The following FIGNL2 variants were observed in gnomAD, a reference collection of about 807,000 sequenced individuals.
The protein encoded by FIGNL2 is fidgetin like 2, also known as fidgetin-like protein 2.
For synonymous variants in FIGNL2, 565 were observed against 484.0 expected (o/e 1.17, Z -2.20); for missense variants, 1,060 against 950.2 (o/e 1.12, Z -1.52).
At chr12:51,844,119 G>A (rs1213369905) in intron 1 of FIGNL2, among the ~76,000 whole-genome samples, 1 of 152,106 alleles carries the variant, frequency 6.6e-6, no homozygotes, top group African/African-American at 2.4e-5. Flanking sequence ...CATCATATGA[G>A]GTTCTTATCC....
chr12:51,833,917 A>G (rs1939520242), intron 1 of FIGNL2, among the ~76,000 whole-genome samples: 1 of 152,230 alleles, frequency 6.6e-6, no homozygotes, highest in African/African-American at 2.4e-5. Context: ...GCACAGATTA[A>G]GTTCTCAATA....
In FIGNL2 at chr12:51,820,761, G is replaced by C. The variant is rs757545904; in HGVS notation, c.1653C>G (p.Leu551=). ...LDEATRRRFS[L]RFYVALPDSP... ...TGTCGGGCAGCGCCACGTAGAAGCG[G>C]AGAGAGAAGCGCCGGCGGGTCGCCT... Residue 551 remains leucine, a synonymous_variant, in exon 2 of 2, where the codon CTC becomes CTG. Coordinates refer to ENST00000618634, the MANE Select transcript of FIGNL2 (RefSeq NM_001384995.1). 2.7e-6 allele frequency: 4 copies of C among 1,486,532 alleles called. No homozygotes were observed. In the South Asian group the frequency reaches 3.8e-5, roughly 14 times the overall value. 92.1% of individuals were successfully genotyped at this position (1,486,532 alleles called of 1,614,324 possible).
intron 1 of FIGNL2, chr12:51,845,529 T>G: frequency 2.0e-6 from 2 of 985,328 alleles, no homozygotes; most frequent in Non-Finnish European, 1.2e-6. Flanking sequence ...CACTGGGGCC[T>G]GGAGTCCACA....
Position 51,820,761 on chromosome 12 carries a change from G to A in FIGNL2, c.1653C>T (p.Leu551=). ...TGTCGGGCAGCGCCACGTAGAAGCG[G>A]AGAGAGAAGCGCCGGCGGGTCGCCT... ...LDEATRRRFS[L]RFYVALPDSP... Residue 551 remains leucine (L), a synonymous_variant, in exon 2 of 2, where the codon CTC becomes CTT. Transcript: ENST00000618634. 1 of 1,486,532 alleles carries A rather than the reference G, an allele frequency of 6.7e-7. No homozygotes were observed. Among genetic ancestry groups the A allele is most frequent in the Admixed American group, 2.3e-5 (1 of 43,464 alleles). 92.1% of individuals were successfully genotyped at this position (1,486,532 alleles called of 1,614,324 possible).
chr12:51,831,498 G>C (rs1156963504), intron 1 of FIGNL2, among the ~76,000 whole-genome samples: 3 of 152,244 alleles, frequency 2.0e-5, no homozygotes, highest in Non-Finnish European at 4.4e-5. Flanking sequence ...TGGAGGCCAA[G>C]TGGGGACCTG....
In FIGNL2 at chr12:51,821,925, G is replaced by A. The variant is rs1291546397; in HGVS notation, c.489C>T (p.Gly163=). The A allele has an allele frequency of 1.3e-6, 2 of 1,504,396 alleles. No individual in the cohort carries two copies. Among genetic ancestry groups the A allele is most frequent in the Non-Finnish European group, 1.8e-6 (2 of 1,128,354 alleles). 93.2% of individuals were successfully genotyped at this position (1,504,396 alleles called of 1,614,324 possible). ...SAAPEYAAGY[G]GGYLAPGYCA... ...AGTAACCCGGCGCCAGGTACCCCCC[G>A]CCGTAGCCGGCCGCGTACTCGGGCG... Residue 163 remains glycine, a synonymous_variant, in exon 2 of 2, where the codon GGC becomes GGT. Transcript: ENST00000618634.
intron 1 of FIGNL2, chr12:51,842,097 CA>C (rs11305939): frequency 0.043 from 6,481 of 152,292 alleles, 194 homozygotes; most frequent in Non-Finnish European, 0.061. Flanking sequence ...ATGATCACTA[CA>C]AACTCAACAA....
At position 51,820,399 on chromosome 12, in the gene FIGNL2, G is replaced by T. The variant is rs971677548; in HGVS notation, c.*53C>A. On this transcript the variant is annotated 3_prime_UTR_variant, in exon 2 of 2. Coordinates refer to ENST00000618634, the MANE Select transcript of FIGNL2 (RefSeq NM_001384995.1). ...TTAGTCAGTGACATCCCTCCCACGC[G>T]GAGGCGGCGGGGACGGAGGGACTGC... is the stretch of plus-strand genomic sequence containing the variant. 1.3e-6 allele frequency: 2 copies of T among 1,543,372 alleles called. No homozygotes were observed. Among genetic ancestry groups the T allele is most frequent in the Admixed American group, 3.9e-5 (2 of 51,852 alleles).
chr12:51,845,777 G>A (rs80033928), intron 1 of FIGNL2: 2 of 516,736 alleles, frequency 3.9e-6, no homozygotes, highest in African/African-American at 2.1e-5. Context: ...TCGGAGCTTG[G>A]GGGGAGAGTC....
In FIGNL2 at chr12:51,821,788, C is replaced by G; in HGVS notation, c.626G>C (p.Gly209Ala). The G allele has an allele frequency of 7.8e-7, 1 of 1,276,774 alleles. No homozygotes were observed. The highest frequency in any genetic ancestry group is 9.8e-7 in the Non-Finnish European group (1 of 1,017,654). 79.1% of individuals were successfully genotyped at this position (1,276,774 alleles called of 1,614,324 possible). ...SAPLYNYPAG[G>A]YAAQPGYGAL... Reference sequence around the variant, plus strand: ...GCCATAGCCGGGCTGCGCTGCGTAGCCCCCTGCGGGATAGTTGTACAGCGG... The same window carrying G: ...GCCATAGCCGGGCTGCGCTGCGTAGGCCCCTGCGGGATAGTTGTACAGCGG... Residue 209 changes from glycine (G) to alanine (A), a missense_variant, in exon 2 of 2, where the codon GGC (glycine) becomes GCC (alanine). Physicochemically the swap from Gly to Ala is moderately conservative, Grantham distance 60. Transcript: ENST00000618634.
rs761297136 is a variant in FIGNL2 at position 51,822,099 on chromosome 12, G to T, written c.315C>A (p.Pro105=). ...CTTCGTGGAGTGAGGCCAAGGGGTAGGGTGGCTCCGGCCCTGGCCAGGGCT... is the reference window on the plus strand; with the variant it reads ...CTTCGTGGAGTGAGGCCAAGGGGTATGGTGGCTCCGGCCCTGGCCAGGGCT... ...DPEPWPGPEP[P]YPLASLHEGL... is the part of the protein sequence containing the mutation. The change falls in exon 2 of 2, where the codon CCC becomes CCA. Residue 105 remains proline, a synonymous_variant. Coordinates refer to ENST00000618634, the MANE Select transcript of FIGNL2 (RefSeq NM_001384995.1). 2 of 1,611,132 alleles carry T rather than the reference G, an allele frequency of 1.2e-6. No homozygotes were observed. The highest frequency in any genetic ancestry group is 1.7e-6 in the Non-Finnish European group (2 of 1,178,810).
chr12:51,827,601 T>C (rs1939371355), intron 1 of FIGNL2, among the ~76,000 whole-genome samples: 2 of 152,204 alleles, frequency 1.3e-5, no homozygotes, highest in Non-Finnish European at 2.9e-5. Context: ...ATGTATATAA[T>C]GGACACAGTC....
At chr12:51,831,795 C>T (rs1297752957) in intron 1 of FIGNL2, 1 of 154,348 alleles carries the variant, frequency 6.5e-6, no homozygotes, top group Non-Finnish European at 1.5e-5. Flanking sequence ...CTCTCATCAG[C>T]TCGCAAATAT....
At chr12:51,848,328 C>T (rs886386267) in intron 1 of FIGNL2, 2 of 982,692 alleles carry the variant, frequency 2.0e-6, no homozygotes, top group Non-Finnish European at 2.4e-6. Flanking sequence ...TCTGCCCGCC[C>T]CCTCCCCCCG....
chr12:51,835,294 G>A (rs1033408216), intron 1 of FIGNL2: 2 of 152,112 alleles, frequency 1.3e-5, no homozygotes, highest in Admixed American at 6.6e-5. Flanking sequence ...CTCCTTGCAT[G>A]TTTATCTCCT....
In FIGNL2 at chr12:51,821,023, G is replaced by GGCGCAGCCAGGGTCGCGCCGC; in HGVS notation, c.1370_1390dup (p.Arg457_Ala463dup). ...GAGGCGCGCGCCCTCGGCGGCGCCG[G>GGCGCAGCCAGGGTCGCGCCGC]GCGCAGCCAGGGTCGCGCCGCGCAG... On this transcript the variant is annotated inframe_insertion, in exon 2 of 2. Coordinates refer to ENST00000618634, the MANE Select transcript of FIGNL2 (RefSeq NM_001384995.1). 1 of 1,176,132 alleles carries GGCGCAGCCAGGGTCGCGCCGC rather than the reference G, an allele frequency of 8.5e-7. No homozygotes were observed. The highest frequency in any genetic ancestry group is 1.0e-6 in the Non-Finnish European group (1 of 954,158). The allele number at this position is 1,176,132 out of a possible 1,614,324, so 72.9% of individuals were successfully genotyped here.
At chr12:51,834,435 G>C (rs1465072701) in intron 1 of FIGNL2, among the ~76,000 whole-genome samples, 10 of 152,180 alleles carry the variant, frequency 6.6e-5, no homozygotes, top group Admixed American at 5.9e-4. Flanking sequence ...CTGTGGGAGA[G>C]GACAAAAGGG....
intron 1 of FIGNL2, among the ~76,000 whole-genome samples, chr12:51,831,502 G>A (rs1439564710): frequency 1.3e-5 from 2 of 152,214 alleles, no homozygotes; most frequent in African/African-American, 2.4e-5. Context: ...GGCCAAGTGG[G>A]GACCTGAAAG....
At chr12:51,847,109 G>A in intron 1 of FIGNL2, 1 of 985,378 alleles carries the variant, frequency 1.0e-6, no homozygotes, top group African/African-American at 1.7e-5. Flanking sequence ...CGGGCAGCCC[G>A]GCGCGCCCGT....
Sources: allele counts gnomAD v4.1 joint callset (sites outside exome capture counted in the v4.1 genomes callset), GRCh38; gene constraint gnomAD v4.1.1; transcripts MANE v1.5; gene names NCBI Gene and HGNC (gene_info 2026-07-23, HGNC 2026-07-21).